The following DPT variants were observed in gnomAD, a reference collection of about 807,000 sequenced individuals.
The protein encoded by DPT is tyrosine-rich acidic matrix protein.
DPT carries 21 observed loss-of-function variants against 31.2 expected under a neutral mutation model. The observed-to-expected ratio is 0.67, with a 90% CI of 0.48 to 0.97. DPT has a LOEUF of 0.97. DPT is among the 50% of genes least tolerant of loss of function. DPT has a pLI of 0.00. For synonymous variants in DPT, 91 were observed against 86.9 expected, an observed-to-expected ratio of 1.05 and a Z score of -0.26; for missense variants, 262 against 258.8, an observed-to-expected ratio of 1.01 and a Z score of -0.08.
chr1:168,717,105 T>C (rs1431705055), intron 1 of DPT, among the ~76,000 whole-genome samples: 2 of 152,260 alleles, frequency 1.3e-5, no homozygotes, highest in Non-Finnish European at 2.9e-5. Flanking sequence ...GTATTTCTTG[T>C]TCTAGATCCT....
intron 1 of DPT, among the ~76,000 whole-genome samples, chr1:168,715,865 C>T (rs977113086): frequency 2.0e-5 from 3 of 152,210 alleles, no homozygotes. Context: ...AGCCATTGGT[C>T]TATCCCCTCT....
At chr1:168,707,327 A>T (rs1649743865) in intron 2 of DPT, among the ~76,000 whole-genome samples, 1 of 152,194 alleles carries the variant, frequency 6.6e-6, no homozygotes, top group Non-Finnish European at 1.5e-5. Flanking sequence ...ATTCACATTC[A>T]TTGACTGCTT....
In DPT at chr1:168,701,044, G is replaced by A; in HGVS notation, c.512C>T (p.Ala171Val). The change falls in exon 3 of 4, where the codon GCA (alanine) becomes GTA (valine). Residue 171 changes from alanine to valine, a missense_variant. By Grantham distance (64) the Ala-to-Val change is moderately conservative. Coordinates refer to ENST00000367817, the MANE Select transcript of DPT (RefSeq NM_001937.5). Reference sequence around the variant, plus strand: ...TTCCACTGCAGAGAAAGTGGTTGTTGCTCCTCGGATATAGTAATCATAATT... The same window carrying A: ...TTCCACTGCAGAGAAAGTGGTTGTTACTCCTCGGATATAGTAATCATAATT... The part of the protein sequence containing the change: ...SYNYDYYIRG[A>V]TTTFSAVERD... 6.2e-7 allele frequency: 1 copy of A among 1,613,688 alleles called. No individual in the cohort carries two copies. Among genetic ancestry groups the A allele is most frequent in the Non-Finnish European group, 8.5e-7 (1 of 1,179,812 alleles).
At chr1:168,715,559 G>T (rs1045141304) in intron 1 of DPT, among the ~76,000 whole-genome samples, 4 of 151,950 alleles carry the variant, frequency 2.6e-5, no homozygotes, top group Middle Eastern at 6.8e-3. Flanking sequence ...TAAAATAAAA[G>T]ATATTATAAT....
chr1:168,720,614 G>A (rs752014190), intron 1 of DPT, among the ~76,000 whole-genome samples: 15 of 152,012 alleles, frequency 9.9e-5, no homozygotes, highest in South Asian at 4.2e-4. Flanking sequence ...TTTTTTCCCA[G>A]CTTCACAGAC....
intron 1 of DPT, among the ~76,000 whole-genome samples, 174 bp downstream of exon 1, chr1:168,728,696 A>T (rs1409399727): frequency 6.6e-6 from 1 of 152,110 alleles, no homozygotes; most frequent in South Asian, 2.1e-4. Context: ...TTGTCCTGTC[A>T]TGTAGTCCGC....
chr1:168,711,021 T>C (rs1649843560), intron 2 of DPT, among the ~76,000 whole-genome samples: 1 of 151,442 alleles, frequency 6.6e-6, no homozygotes, highest in African/African-American at 2.4e-5. Flanking sequence ...TTCTTCTTCT[T>C]TTTTTTTGAG....
intron 2 of DPT, among the ~76,000 whole-genome samples, chr1:168,705,368 T>A (rs1649696079): frequency 6.6e-6 from 1 of 152,096 alleles, no homozygotes; most frequent in South Asian, 2.1e-4. Context: ...GATGTGCACA[T>A]GAACAGATAC....
intron 1 of DPT, among the ~76,000 whole-genome samples, chr1:168,723,460 T>C (rs1381314425): frequency 6.6e-6 from 1 of 152,244 alleles, no homozygotes; most frequent in Non-Finnish European, 1.5e-5. Flanking sequence ...TGGTAGTGAA[T>C]GAATAAACAA....
intron 1 of DPT, among the ~76,000 whole-genome samples, chr1:168,728,372 C>A (rs1280281538): frequency 6.6e-6 from 1 of 152,192 alleles, no homozygotes; most frequent in Non-Finnish European, 1.5e-5. Context: ...ATCAATAGTT[C>A]TCAAACCCTC....
intron 1 of DPT, among the ~76,000 whole-genome samples, chr1:168,725,203 T>TCTTTCCTTTCCTTTC (rs1650210656): frequency 2.7e-4 from 17 of 61,978 alleles, no homozygotes; most frequent in African/African-American, 1.2e-3. Context: ...CCTTTGCTTT[T>TCTTTCCTTTCCTTTC]CTTTCCTTTC....
chr1:168,724,533 G>A (rs1650193493), intron 1 of DPT, among the ~76,000 whole-genome samples: 1 of 152,106 alleles, frequency 6.6e-6, no homozygotes, highest in Non-Finnish European at 1.5e-5. Flanking sequence ...TTTTAGTGAG[G>A]GAGACAAAAC....
chr1:168,726,433 A>C (rs1442652968), intron 1 of DPT, among the ~76,000 whole-genome samples: 4 of 152,364 alleles, frequency 2.6e-5, no homozygotes, highest in African/African-American at 9.6e-5. Context: ...ATGCAAGAAA[A>C]AGCCAAGAGT....
chr1:168,697,829 A>C (rs1649497750), intron 3 of DPT, among the ~76,000 whole-genome samples: 1 of 152,166 alleles, frequency 6.6e-6, no homozygotes, highest in African/African-American at 2.4e-5. Context: ...AATAGGTGAC[A>C]ATTTCAGATT....
chr1:168,728,356 C>T (rs1018453), intron 1 of DPT, among the ~76,000 whole-genome samples: 65,998 of 151,964 alleles, frequency 0.43, 15,466 homozygotes, highest in Non-Finnish European at 0.54. Context: ...CATTCACTTG[C>T]TCTAAATCAA....
chr1:168,727,318 C>A (rs1027955063), intron 1 of DPT, among the ~76,000 whole-genome samples: 1 of 152,084 alleles, frequency 6.6e-6, no homozygotes, highest in Non-Finnish European at 1.5e-5. Flanking sequence ...TGGGATATAC[C>A]CTTGTTTTGA....
chr1:168,722,560 G>A (rs1379127074), intron 1 of DPT, among the ~76,000 whole-genome samples: 1 of 152,074 alleles, frequency 6.6e-6, no homozygotes, highest in East Asian at 1.9e-4. Flanking sequence ...CTATAAAATG[G>A]GTTCAAATAA....
At chr1:168,724,346 G>C (rs11808306) in intron 1 of DPT, among the ~76,000 whole-genome samples, 50,233 of 152,102 alleles carry the variant, frequency 0.33, 8,788 homozygotes, top group Middle Eastern at 0.38. Context: ...TGGTTCCCCT[G>C]TGGGAAAACC....
chr1:168,711,223 T>C (rs1470920871), intron 2 of DPT, among the ~76,000 whole-genome samples: 1 of 151,732 alleles, frequency 6.6e-6, no homozygotes, highest in Non-Finnish European at 1.5e-5. Flanking sequence ...GGTTTCATCA[T>C]GTTAGCCAGC....
Sources: gnomAD v4.1 joint callset for allele counts (sites outside exome capture counted in the v4.1 genomes callset) on GRCh38, gnomAD v4.1.1 for gene constraint, MANE v1.5 for transcripts, NCBI Gene and HGNC (gene_info 2026-07-23, HGNC 2026-07-21) for gene names.